The following MYO15A variants were observed in gnomAD, a reference collection of about 807,000 sequenced individuals.
MYO15A encodes myosin XVA.
In MYO15A, 308 loss-of-function variants were observed where a neutral mutation model predicts 394.6. The ratio of observed to expected loss-of-function variants is 0.78; its 90% confidence interval spans 0.71 to 0.86. MYO15A has a LOEUF of 0.86. Among genes scored for constraint, MYO15A ranks in the 40% least tolerant of loss-of-function variants. The probability of loss-of-function intolerance (pLI) is 0.00; values close to 1 mark genes in which losing one functional copy is unlikely to be tolerated. For missense variants in MYO15A, 4,606 were observed against 4,799.1 expected (o/e 0.96, Z 1.19); for synonymous variants, 1,957 against 2,003.8 (o/e 0.98, Z 0.62).
At chr17:18,163,223 T>A in intron 58 of MYO15A, 21 bp from the exon 59 acceptor site, 2 of 1,612,968 alleles carry the variant, frequency 1.2e-6, no homozygotes, top group Non-Finnish European at 1.7e-6. Flanking sequence ...CTGTCATCCC[T>A]CTCCCACCTA....
In MYO15A at chr17:18,168,876, C is replaced by T. The variant is rs1016551045; in HGVS notation, c.10082+1153C>T. Among the ~76,000 whole-genome samples the T allele has an allele frequency of 7.3e-5, 11 of 151,004 alleles. 1 individual carries two copies. The highest frequency in any genetic ancestry group is 2.4e-4 in the African/African-American group (10 of 41,126). On this transcript the variant is annotated intron_variant, in intron 62 of 65. Coordinates refer to ENST00000647165, the MANE Select transcript of MYO15A (RefSeq NM_016239.4). ...CAGTACTTTGGGAGGCCGAGATGGG[C>T]GGATCACCAGAGGTCAGGAGTTTGA...
At chr17:18,130,771 G>A (rs1469132109) in intron 7 of MYO15A, 34 bp from the exon 8 acceptor site, 2 of 1,611,934 alleles carry the variant, frequency 1.2e-6, no homozygotes, top group Non-Finnish European at 1.7e-6. Flanking sequence ...GTTCTTGTCT[G>A]TCTCTTTGTC....
Position 18,141,788 on chromosome 17 carries a change from G to T in MYO15A, c.5649+18G>T. 1 of 1,613,100 alleles carries T rather than the reference G, an allele frequency of 6.2e-7. No homozygotes were observed. The highest frequency in any genetic ancestry group is 8.5e-7 in the Non-Finnish European group (1 of 1,179,220). Reference sequence around the variant, plus strand: ...TCAGCAAGGTGAGTCCTGCCCGACAGTCAGCCCTTGGAGACCCCAAGTTTG... The same window carrying T: ...TCAGCAAGGTGAGTCCTGCCCGACATTCAGCCCTTGGAGACCCCAAGTTTG... On this transcript the variant is annotated intron_variant, in intron 23 of 65. Coordinates refer to ENST00000647165, the MANE Select transcript of MYO15A (RefSeq NM_016239.4).
Position 18,149,214 on chromosome 17 carries a change from A to C in MYO15A, c.6957-2A>C. On this transcript the variant is annotated splice_acceptor_variant, in intron 33 of 65. Coordinates refer to ENST00000647165, the MANE Select transcript of MYO15A (RefSeq NM_016239.4). LOFTEE classifies it high-confidence loss of function. ...GTAGCTCCATGTTCCTTTTCTCCAC[A>C]GGGTGTTTGGGAACAGCTGGGACTC... 5.6e-6 allele frequency: 9 copies of C among 1,613,996 alleles called. No homozygotes were observed. The highest frequency in any genetic ancestry group is 7.6e-6 in the Non-Finnish European group (9 of 1,179,914).
chr17:18,118,488 T>C, intron 1 of MYO15A, 94 bp from the exon 2 acceptor site: 2 of 435,248 alleles, frequency 4.6e-6, no homozygotes, highest in Admixed American at 7.4e-5. Context: ...CCATGACGAC[T>C]CCGAGGCCAG....
rs775028334 is a variant in MYO15A, at chr17:18,162,627, G to A, written c.9560G>A (p.Arg3187His). The change falls in exon 58 of 66, where the codon CGC (arginine) becomes CAC (histidine). Residue 3187 changes from arginine (R) to histidine (H), a missense_variant. Coordinates refer to ENST00000647165, the MANE Select transcript of MYO15A (RefSeq NM_016239.4). ...ACEQNLQKTLRFGGRLELPSS... is the reference protein window; with the variant it reads ...ACEQNLQKTLHFGGRLELPSS... ...GAGCAGAACCTGCAGAAAACCTTGC[G>A]CTTCGGAGGTCGTCTGGAGCTCCCC... The A allele has an allele frequency of 2.2e-5, 36 of 1,613,986 alleles. No individual in the cohort carries two copies. The highest frequency in any genetic ancestry group is 8.0e-5 in the African/African-American group (6 of 74,936).
At chr17:18,126,522 G>A in intron 5 of MYO15A, 66 bp downstream of exon 5, 1 of 1,469,502 alleles carries the variant, frequency 6.8e-7, no homozygotes, top group Non-Finnish European at 9.4e-7. Context: ...CTGGGAGCCT[G>A]GATCCCGGCT....
chr17:18,132,329 C>T lies in MYO15A; in HGVS notation c.4207-124C>T, dbSNP rs1342893788. The T allele has an allele frequency of 6.6e-6, 5 of 754,512 alleles. No homozygotes were observed. The highest frequency in any genetic ancestry group is 4.4e-5 in the South Asian group (3 of 68,284). The allele number at this position is 754,512 out of a possible 1,614,324, so 46.7% of individuals were successfully genotyped here. On this transcript the variant is annotated intron_variant, in intron 10 of 65. Coordinates refer to ENST00000647165, the MANE Select transcript of MYO15A (RefSeq NM_016239.4). This position sits in a 1 kb window ranked among gnomAD's most constrained non-coding sequence, Gnocchi z 4.6. ...GGGAGCCTCACCCATCACAGAGGCG[C>T]GTGTTCTCATCTGCAGCCCACTGTG...
intron 62 of MYO15A, among the ~76,000 whole-genome samples, chr17:18,170,041 A>G (rs890512968): frequency 1.3e-5 from 2 of 150,418 alleles, no homozygotes; most frequent in Admixed American, 6.6e-5. Context: ...GTACTTTTAC[A>G]TTTTCAAAGC....
Position 18,119,593 on chromosome 17 carries a change from G to A in MYO15A, c.793G>A (p.Gly265Ser), listed in dbSNP as rs764355744. Residue 265 changes from glycine (G) to serine (S), a missense_variant, in exon 2 of 66, where the codon GGC becomes AGC. Around this residue, in one of 2 missense-constraint regions of MYO15A, gnomAD observed 1,830 missense variants for 1,689.7 expected, o/e 1.08. Transcript: ENST00000647165. ...GCAGGAACCCTACCTGGCGGGCCTC[G>A]GCCCCTACAGCCCGGCCTGGCCACC... ...EEQEPYLAGL[G>S]PYSPAWPPYG... 2 of 1,604,268 alleles carry A rather than the reference G, an allele frequency of 1.2e-6. No homozygotes were observed. The highest frequency in any genetic ancestry group is 1.7e-5 in the Admixed American group (1 of 60,000).
chr17:18,171,871 C>T (rs1197224582), intron 63 of MYO15A, 100 bp downstream of exon 63: 6 of 1,496,180 alleles, frequency 4.0e-6, no homozygotes, highest in Non-Finnish European at 4.5e-6. Context: ...TGCACAAAGG[C>T]ATTTTTCAGT....
In MYO15A at chr17:18,121,930, A is replaced by G. The variant is rs1597757899; in HGVS notation, c.3130A>G (p.Ile1044Val). 1 of 1,613,056 alleles carries G rather than the reference A, an allele frequency of 6.2e-7. No individual in the cohort carries two copies. Among genetic ancestry groups the G allele is most frequent in the South Asian group, 1.1e-5 (1 of 91,076 alleles). Residue 1044 changes from isoleucine to valine, a missense_variant, in exon 2 of 66, where the codon ATC becomes GTC. By Grantham distance (29) the Ile-to-Val change is conservative. This residue lies in a region of MYO15A where 1,830 missense variants were observed against 1,689.7 expected (regional missense o/e 1.08). Coordinates refer to ENST00000647165, the MANE Select transcript of MYO15A (RefSeq NM_016239.4). The surrounding 1 kb of genome is among the most constrained non-coding windows in gnomAD (Gnocchi z 5.3). ...CAAGGATGTCACTCCCCCCAAGGATATCACTCCCCCCAAGGATGTCCTCCC... is the reference window on the plus strand; with the variant it reads ...CAAGGATGTCACTCCCCCCAAGGATGTCACTCCCCCCAAGGATGTCCTCCC... ...PPKDVTPPKD[I>V]TPPKDVLPEQ...
At chr17:18,159,126 C>A in intron 53 of MYO15A, 129 bp downstream of exon 53, 3 of 1,377,730 alleles carry the variant, frequency 2.2e-6, no homozygotes, top group South Asian at 1.2e-5. Context: ...GATTCCCTCC[C>A]AAGGACAGCC....
chr17:18,131,033 T>C (rs1384035048), intron 8 of MYO15A, among the ~76,000 whole-genome samples: 2 of 151,406 alleles, frequency 1.3e-5, no homozygotes, highest in African/African-American at 4.9e-5. Flanking sequence ...GGGCTTGCTG[T>C]GTGGGAGTTG....
At chr17:18,155,079 G>A (rs1268355676) in intron 45 of MYO15A, 31 bp from the exon 46 acceptor site, 4 of 1,596,454 alleles carry the variant, frequency 2.5e-6, no homozygotes, top group South Asian at 2.2e-5. Flanking sequence ...GGAGTGGGGA[G>A]AGGGTCCTGA....
chr17:18,167,651 A>C lies in MYO15A; in HGVS notation c.10010A>C (p.Gln3337Pro). The change falls in exon 62 of 66, where the codon CAG becomes CCG. Residue 3337 changes from glutamine to proline, a missense_variant. By Grantham distance (76) the Gln-to-Pro change is moderately conservative (BLOSUM62 -1). Coordinates refer to ENST00000647165, the MANE Select transcript of MYO15A (RefSeq NM_016239.4). ...SSVPASRPSEQLLQQVSKLAS... is the reference protein window; with the variant it reads ...SSVPASRPSEPLLQQVSKLAS... ...GTGCCGGCCAGCCGGCCCAGCGAGC[A>C]GCTGCTGCAGCAGGTGTCCAAGCTG... is the stretch of plus-strand genomic sequence containing the variant. 6.2e-7 allele frequency: 1 copy of C among 1,604,334 alleles called. No homozygotes were observed. Among genetic ancestry groups the C allele is most frequent in the Non-Finnish European group, 8.5e-7 (1 of 1,179,966 alleles).
rs374725228 is a variant in MYO15A at position 18,173,832 on chromosome 17, C to T, written c.10402C>T (p.Arg3468Trp). 1.2e-5 allele frequency: 20 copies of T among 1,613,214 alleles called. No individual in the cohort carries two copies. In the African/African-American group the frequency reaches 2.3e-4, roughly 18 times the overall value. The change falls in exon 65 of 66, where the codon CGG becomes TGG. Residue 3468 changes from arginine to tryptophan, a missense_variant. Transcript: ENST00000647165. ...GGAGATCCAGTCGACGCGGACCCAG[C>T]GGCCCACGGCCAACTCCAGCTACCC... ...LKEIQSTRTQ[R>W]PTANSSYPYV...
In MYO15A at chr17:18,122,067, C is replaced by A. The variant is rs774683207; in HGVS notation, c.3267C>A (p.Ala1089=). The change falls in exon 2 of 66, where the codon GCC becomes GCA. Residue 1089 remains alanine (A), a synonymous_variant. Transcript: ENST00000647165. ...HRWGTLPQAA[A]PLAPIRAPEP... is the part of the protein sequence containing the mutation. ...GGGGAACACTGCCCCAAGCCGCAGC[C>A]CCCTTGGCGCCCATCAGGGCCCCAG... The A allele has an allele frequency of 3.7e-6, 6 of 1,612,872 alleles. No homozygotes were observed. The East Asian group carries it at 1.1e-4, about 30-fold the overall frequency.
chr17:18,168,304 G>A (rs1399254688), intron 62 of MYO15A, among the ~76,000 whole-genome samples: 1 of 151,914 alleles, frequency 6.6e-6, no homozygotes, highest in Non-Finnish European at 1.5e-5. Flanking sequence ...GGTCGCTCAT[G>A]CCTGTAATCC....
Sources: gnomAD v4.1 joint callset for allele counts (sites outside exome capture counted in the v4.1 genomes callset) on GRCh38, gnomAD v4.1.1 for gene constraint, gnomAD v4.1.1 regional missense constraint, Gnocchi (gnomAD v3.1) non-coding constraint, MANE v1.5 for transcripts, NCBI Gene and HGNC (gene_info 2026-07-23, HGNC 2026-07-21) for gene names.